DGKH: variants seen among roughly 807,000 people sequenced by gnomAD.
DGKH encodes DAG kinase eta.
DGKH carries 90 observed loss-of-function variants against 159.3 expected under a neutral mutation model. That is an observed-to-expected ratio of 0.57 (90% CI 0.48 to 0.67). DGKH has a LOEUF of 0.67. Ranked by LOEUF, DGKH falls within the 30% of genes least tolerant of loss-of-function variation. The pLI is 0.00. For missense variants in DGKH, 1,181 were observed against 1,506.1 expected (o/e 0.78, Z 3.57); for synonymous variants, 536 against 553.8 (o/e 0.97, Z 0.45).
intron 28 of DGKH, 32 bp downstream of exon 28, chr13:42,219,826 C>T: frequency 6.3e-7 from 1 of 1,581,392 alleles, no homozygotes; most frequent in South Asian, 1.1e-5. Flanking sequence ...GGAAATATAA[C>T]ATTATGAAAA....
At chr13:42,088,231 T>C (rs568567172) in intron 1 of DGKH, among the ~76,000 whole-genome samples, 9 of 152,216 alleles carry the variant, frequency 5.9e-5, no homozygotes, top group African/African-American at 1.9e-4. Flanking sequence ...ACTGTGAGAA[T>C]TTATCACCAG....
intron 1 of DGKH, chr13:42,070,241 C>A (rs9532985): frequency 0.27 from 309,246 of 1,139,300 alleles, 45,260 homozygotes; most frequent in East Asian, 0.49. Flanking sequence ...CGACTAATTC[C>A]TGGAAGTAGC....
At chr13:42,155,896 A>G in intron 5 of DGKH, 97 bp downstream of exon 5, 1 of 1,401,586 alleles carries the variant, frequency 7.1e-7, no homozygotes, top group Non-Finnish European at 9.8e-7. Context: ...AGCTCTCCAC[A>G]CATAGGACTA....
At position 42,185,534 on chromosome 13, in the gene DGKH, A is replaced by T. The variant is rs139437214; in HGVS notation, c.1539-1515A>T. On this transcript the variant is annotated intron_variant, in intron 13 of 29. Transcript: ENST00000337343. Reference sequence around the variant, plus strand: ...AAAGCAGCTATGATAATGATATGACATATGCAGTTTCACAAACCAAGAGAA... The same window carrying T: ...AAAGCAGCTATGATAATGATATGACTTATGCAGTTTCACAAACCAAGAGAA... Among the ~76,000 whole-genome samples the T allele has an allele frequency of 4.9e-4, 75 of 152,344 alleles. 1 individual carries two copies. The East Asian group carries it at 0.013, about 27-fold the overall frequency.
chr13:42,197,993 G>A (rs35699135), intron 17 of DGKH, among the ~76,000 whole-genome samples: 32,003 of 151,788 alleles, frequency 0.21, 4,205 homozygotes, highest in East Asian at 0.41. Context: ...ATACTTTACT[G>A]CTTATTCTTA....
chr13:42,109,879 G>T (rs1954829565), intron 1 of DGKH, among the ~76,000 whole-genome samples: 1 of 151,936 alleles, frequency 6.6e-6, no homozygotes, highest in African/African-American at 2.4e-5. Context: ...CCTTTTTAGG[G>T]GTATCAGTCT....
intron 30 of DGKH, among the ~76,000 whole-genome samples, chr13:42,255,335 T>G (rs535912571): frequency 1.8e-3 from 279 of 152,200 alleles, no homozygotes; most frequent in African/African-American, 6.5e-3. Flanking sequence ...ATGGGGAGAC[T>G]TTCAGTTCTA....
intron 3 of DGKH, among the ~76,000 whole-genome samples, chr13:42,146,556 A>G (rs1955738954): frequency 6.6e-6 from 1 of 152,248 alleles, no homozygotes; most frequent in Admixed American, 6.5e-5. Context: ...GAAATATATC[A>G]TGCAATGGAA....
intron 1 of DGKH, among the ~76,000 whole-genome samples, chr13:42,068,501 C>T (rs17062771): frequency 0.042 from 6,357 of 152,200 alleles, 153 homozygotes; most frequent in African/African-American, 0.066. Context: ...CTTCTGGTAT[C>T]GTGTGTTTTA....
rs923656999 is a variant in DGKH, at chr13:42,232,982, C to A, written c.*3794C>A. 1 of 151,672 alleles carries A rather than the reference C, an allele frequency of 6.6e-6. No individual in the cohort carries two copies. The highest frequency in any genetic ancestry group is 1.5e-5 in the Non-Finnish European group (1 of 67,876). The allele number at this position is 151,672 out of a possible 1,614,324, so 9.4% of individuals were successfully genotyped here. A position where few individuals can be genotyped will look rare whatever the true frequency, so the allele number is the denominator to read the frequency against. On this transcript the variant is annotated 3_prime_UTR_variant, in exon 30 of 30. Transcript: ENST00000337343. Reference sequence around the variant, plus strand: ...TGTCTCTGAAAAAAAATTTTTTTAACTAGCTAGGCATGGTGGCATGCGCCT... The same window carrying A: ...TGTCTCTGAAAAAAAATTTTTTTAAATAGCTAGGCATGGTGGCATGCGCCT...
intron 11 of DGKH, among the ~76,000 whole-genome samples, chr13:42,170,794 T>A (rs1445346834): frequency 2.6e-5 from 4 of 151,914 alleles, no homozygotes; most frequent in Non-Finnish European, 4.4e-5. Flanking sequence ...AATACAAAAA[T>A]TAACTGGGCA....
chr13:42,188,907 G>T, intron 14 of DGKH, 129 bp from the exon 15 acceptor site: 1 of 1,027,944 alleles, frequency 9.7e-7, no homozygotes, highest in South Asian at 1.9e-5. Flanking sequence ...AAAATTAAAG[G>T]TGAGAATTTT....
At chr13:42,174,481 A>G (rs1424558115) in intron 12 of DGKH, among the ~76,000 whole-genome samples, 1 of 152,160 alleles carries the variant, frequency 6.6e-6, no homozygotes, top group East Asian at 1.9e-4. Flanking sequence ...CTGCCCAGAT[A>G]ATTCCTCCCT....
downstream of DGKH, among the ~76,000 whole-genome samples, chr13:42,247,224 G>A (rs1958587713): frequency 7.4e-6 from 1 of 135,192 alleles, no homozygotes. Flanking sequence ...CCTACACTAT[G>A]TATACTTTTT....
intron 29 of DGKH, among the ~76,000 whole-genome samples, chr13:42,225,784 A>AG (rs1216634567): frequency 6.6e-6 from 1 of 150,440 alleles, no homozygotes; most frequent in Non-Finnish European, 1.5e-5. Flanking sequence ...AAAAAAAAAA[A>AG]AAGAATATGA....
intron 20 of DGKH, among the ~76,000 whole-genome samples, chr13:42,205,692 T>A (rs1957449241): frequency 6.6e-6 from 1 of 152,046 alleles, no homozygotes; most frequent in Non-Finnish European, 1.5e-5. Flanking sequence ...CAGTCTGCTT[T>A]CAAAAAGATG....
At position 42,204,066 on chromosome 13, in the gene DGKH, G is replaced by A. The variant is rs145569999; in HGVS notation, c.2494-1973G>A. On this transcript the variant is annotated intron_variant, in intron 20 of 29. Transcript: ENST00000337343. The stretch of plus-strand genomic sequence containing the variant: ...ATATATATATATTCACTTCAGCACC[G>A]CACATAGGACTTCTTTCTGAAAATC... Among the ~76,000 whole-genome samples the A allele has an allele frequency of 1.2e-3, 179 of 152,134 alleles. 1 individual carries two copies. Among genetic ancestry groups the A allele is most frequent in the Non-Finnish European group, 2.0e-3 (138 of 67,998 alleles).
intron 1 of DGKH, among the ~76,000 whole-genome samples, chr13:42,065,080 G>T (rs562777019): frequency 1.4e-4 from 21 of 152,270 alleles, no homozygotes; most frequent in African/African-American, 4.8e-4. Flanking sequence ...TGCCAATTAC[G>T]TATTCAGGAA....
intron 1 of DGKH, among the ~76,000 whole-genome samples, chr13:42,099,345 C>CG (rs1954609246): frequency 6.6e-6 from 1 of 152,020 alleles, no homozygotes; most frequent in African/African-American, 2.4e-5. Context: ...GTGCAGAGTG[C>CG]GGGGCTGAAT....
Sources: gnomAD v4.1 joint callset for allele counts (sites outside exome capture counted in the v4.1 genomes callset) on GRCh38, gnomAD v4.1.1 for gene constraint, MANE v1.5 for transcripts, NCBI Gene and HGNC (gene_info 2026-07-23, HGNC 2026-07-21) for gene names.